The following MYO15B variants were observed in gnomAD, a reference collection of about 807,000 sequenced individuals.
The protein encoded by MYO15B is myosin XVB.
Under a neutral mutation model 119.3 loss-of-function variants are expected in MYO15B, and 207 were observed. The observed-to-expected ratio is 1.73, with a 90% CI of 1.55 to 1.95. The LOEUF (loss-of-function observed/expected upper bound fraction) is 1.95, where lower values mean the gene tolerates loss of function less well. Ranked by LOEUF, MYO15B falls within the 30% of genes most tolerant of loss-of-function variation. MYO15B has a pLI of 0.00. For synonymous variants in MYO15B, 966 were observed against 498.9 expected, an observed-to-expected ratio of 1.94 and a Z score of -12.48; for missense variants, 2,264 against 1,203.1, an observed-to-expected ratio of 1.88 and a Z score of -13.04.
At position 75,592,792 on chromosome 17, in the gene MYO15B, G is replaced by A. The variant is rs1393056440; in HGVS notation, c.2943G>A (p.Val981=). 1 of 702,730 alleles carries A rather than the reference G, an allele frequency of 1.4e-6. No homozygotes were observed. The highest frequency in any genetic ancestry group is 2.6e-6 in the Non-Finnish European group (1 of 384,890). The allele number at this position is 702,730 out of a possible 1,614,324, so 43.5% of individuals were successfully genotyped here. The change falls in exon 9 of 64, where the codon GTG becomes GTA. Residue 981 remains valine, a synonymous_variant. Coordinates refer to ENST00000645453, the Ensembl canonical transcript of MYO15B. ...AGGAGTTGAATGCCGTCTGGGCTGTGCTGGCCGCCATCCTGCAGCTGGGCA... is the reference window on the plus strand; with the variant it reads ...AGGAGTTGAATGCCGTCTGGGCTGTACTGGCCGCCATCCTGCAGCTGGGCA...
In MYO15B at chr17:75,610,157, G is replaced by A. The variant is rs910368866; in HGVS notation, c.4293-9G>A. 3.2e-5 allele frequency: 22 copies of A among 696,678 alleles called. No individual in the cohort carries two copies. The highest frequency in any genetic ancestry group is 5.3e-5 in the African/African-American group (3 of 56,820). The allele number at this position is 696,678 out of a possible 1,614,324, so 43.2% of individuals were successfully genotyped here. A position where few individuals can be genotyped will look rare whatever the true frequency, so the allele number is the denominator to read the frequency against. On this transcript the variant is annotated splice_polypyrimidine_tract_variant and intron_variant, in intron 21 of 63. Coordinates refer to ENST00000645453, the Ensembl canonical transcript of MYO15B. ...CTTCATTTCGCCCCCGCTCTTTCCC[G>A]GCCTCCAGGAAGCGGTACCTCCGGC... is the stretch of plus-strand genomic sequence containing the variant.
In MYO15B at chr17:75,610,244, G is replaced by A. The variant is rs1234965817; in HGVS notation, c.4371G>A (p.Arg1457=). Residue 1457 remains arginine, a synonymous_variant, in exon 22 of 64, where the codon AGG becomes AGA. Coordinates refer to ENST00000645453, the Ensembl canonical transcript of MYO15B. The stretch of plus-strand genomic sequence containing the variant: ...TGGTGGCCCAGCCCCTGCTCCAGAG[G>A]CGGCAGAGACTGCAGGTGCAGGGGC... The A allele has an allele frequency of 7.1e-6, 5 of 700,290 alleles. No homozygotes were observed. The East Asian group carries it at 1.3e-4, about 19-fold the overall frequency. The allele number at this position is 700,290 out of a possible 1,614,324, so 43.4% of individuals were successfully genotyped here. A position where few individuals can be genotyped will look rare whatever the true frequency, so the allele number is the denominator to read the frequency against.
exon 46 of MYO15B, chr17:75,619,778 T>C (rs892875002): frequency 8.5e-6 from 6 of 702,730 alleles, no homozygotes; most frequent in Non-Finnish European, 1.6e-5. Flanking sequence ...CCCGACCAGC[T>C]GAAGATTCTC....
chr17:75,607,042 G>A (rs961253332), intron 21 of MYO15B: 19 of 398,282 alleles, frequency 4.8e-5, no homozygotes, highest in Non-Finnish European at 8.0e-5. Flanking sequence ...GGCCTCCCAG[G>A]CTGGTTGGGA....
rs2056719561 is a variant in MYO15B at position 75,594,510 on chromosome 17, G to A, written c.3027G>A (p.Trp1009Ter). The stretch of plus-strand genomic sequence containing the variant: ...AGGAGGTGGCTGCTGTGTCTAGCTG[G>A]GCTGAGATCCACACAGCAGCCCGAC... Residue 1009 changes from tryptophan to a stop codon, truncating the protein, a stop_gained, in exon 10 of 64, where the codon TGG becomes TGA. Transcript: ENST00000645453. LOFTEE classifies it high-confidence loss of function. The A allele has an allele frequency of 1.6e-6, 1 of 614,742 alleles. No homozygotes were observed. The highest frequency in any genetic ancestry group is 2.9e-6 in the Non-Finnish European group (1 of 343,500). 38.1% of individuals were successfully genotyped at this position (614,742 alleles called of 1,614,324 possible).
At chr17:75,617,610 C>T (rs147498617) in intron 41 of MYO15B, 200 bp from the exon 42 acceptor site, 10 of 485,550 alleles carry the variant, frequency 2.1e-5, no homozygotes, top group Middle Eastern at 5.3e-4. Context: ...AGAAGACCCA[C>T]GAGCCTCACG....
chr17:75,619,044 C>T, intron 43 of MYO15B, 99 bp from the exon 44 acceptor site: 1 of 682,930 alleles, frequency 1.5e-6, no homozygotes, highest in Non-Finnish European at 2.7e-6. Flanking sequence ...GGGCGCCCTC[C>T]ATCGGCCTCC....
chr17:75,610,234 T>C (rs2057934709), exon 22 of MYO15B: 2 of 700,928 alleles, frequency 2.9e-6, no homozygotes, highest in Non-Finnish European at 5.2e-6. Context: ...GCCCAGCCCC[T>C]GCTCCAGAGG....
chr17:75,614,579 G>A lies in MYO15B; in HGVS notation c.5382-4G>A, dbSNP rs945901915. Reference sequence around the variant, plus strand: ...CCCCCTTAGCTGGATCCCGTTTCCTGCAGAGCCGAGGCCATTCCCCTTGCC... The same window carrying A: ...CCCCCTTAGCTGGATCCCGTTTCCTACAGAGCCGAGGCCATTCCCCTTGCC... On this transcript the variant is annotated splice_polypyrimidine_tract_variant and splice_region_variant and intron_variant, in intron 30 of 63. Transcript: ENST00000645453. 5.4e-5 allele frequency: 38 copies of A among 700,440 alleles called. No homozygotes were observed. Among genetic ancestry groups the A allele is most frequent in the Non-Finnish European group, 9.6e-5 (37 of 384,818 alleles). 43.4% of individuals were successfully genotyped at this position (700,440 alleles called of 1,614,324 possible).
intron 36 of MYO15B, 88 bp from the exon 37 acceptor site, chr17:75,615,981 G>A: frequency 1.7e-6 from 1 of 597,464 alleles, no homozygotes; most frequent in Non-Finnish European, 3.0e-6. Context: ...CAGGGAAGAG[G>A]CTGCTGGCCC....
intron 21 of MYO15B, among the ~76,000 whole-genome samples, chr17:75,607,849 T>C (rs1048205887): frequency 6.6e-6 from 1 of 152,186 alleles, no homozygotes; most frequent in Non-Finnish European, 1.5e-5. Flanking sequence ...ATGTTTAACT[T>C]TCTGAGGAGC....
At chr17:75,611,698 C>T (rs866167826) in intron 24 of MYO15B, 40 bp downstream of exon 24, 1 of 702,584 alleles carries the variant, frequency 1.4e-6, no homozygotes, top group Non-Finnish European at 2.6e-6. Context: ...ACTCCTTCTC[C>T]AGTCCCTTTA....
At chr17:75,588,423 C>A in exon 1 of MYO15B, 1 of 398,448 alleles carries the variant, frequency 2.5e-6, no homozygotes, top group Non-Finnish European at 4.4e-6. Context: ...AAGAGCTGGG[C>A]GGCCGCCGTA....
Position 75,592,238 on chromosome 17 carries a change from A to AT in MYO15B, c.2652_2653insT (p.Gly885TrpfsTer14). On this transcript the variant is annotated frameshift_variant and splice_region_variant, in exon 7 of 64. Coordinates refer to ENST00000645453, the Ensembl canonical transcript of MYO15B. LOFTEE classifies it high-confidence loss of function. ...TCACACCCATCTTCTGTGCCCACAG[A>AT]GGGGTCATCGTGGGAGCCTCTGTGT... The AT allele has an allele frequency of 1.4e-6, 1 of 702,766 alleles. No homozygotes were observed. The highest frequency in any genetic ancestry group is 2.6e-6 in the Non-Finnish European group (1 of 384,926). 43.5% of individuals were successfully genotyped at this position (702,766 alleles called of 1,614,324 possible).
At chr17:75,605,871 T>C (rs1339595893) in exon 21 of MYO15B, 1 of 694,882 alleles carries the variant, frequency 1.4e-6, no homozygotes, top group African/African-American at 1.8e-5. Context: ...CAGGTCCTGC[T>C]GCAGGAGCAG....
At chr17:75,619,616 C>G (rs2058582665) in intron 45 of MYO15B, 65 bp from the exon 46 acceptor site, 2 of 696,862 alleles carry the variant, frequency 2.9e-6, no homozygotes, top group African/African-American at 3.5e-5. Flanking sequence ...CCCTGGGCAG[C>G]TCCAGGGCAT....
Position 75,614,760 on chromosome 17 carries a change from C to A in MYO15B, c.5483-13C>A. On this transcript the variant is annotated splice_polypyrimidine_tract_variant and intron_variant, in intron 31 of 63. Coordinates refer to ENST00000645453, the Ensembl canonical transcript of MYO15B. ...CCCCGGGCCATGGCTCCAACCCTCTCCCTGCCCCACAGGGGAGGTCCAGAG... is the reference window on the plus strand; with the variant it reads ...CCCCGGGCCATGGCTCCAACCCTCTACCTGCCCCACAGGGGAGGTCCAGAG... The A allele has an allele frequency of 1.4e-6, 1 of 702,838 alleles. No individual in the cohort carries two copies. The highest frequency in any genetic ancestry group is 2.6e-6 in the Non-Finnish European group (1 of 385,008). The allele number at this position is 702,838 out of a possible 1,614,324, so 43.5% of individuals were successfully genotyped here.
At chr17:75,620,910 C>T in intron 49 of MYO15B, 121 bp from the exon 50 acceptor site, 1 of 702,258 alleles carries the variant, frequency 1.4e-6, no homozygotes, top group Admixed American at 2.0e-5. Context: ...AACAGCTCTT[C>T]ACTTTCCTGG....
exon 41 of MYO15B, chr17:75,617,278 C>T (rs554424802): frequency 1.5e-6 from 1 of 665,860 alleles, no homozygotes; most frequent in African/African-American, 1.8e-5. Context: ...CCCGAGGACC[C>T]AGGGACCCTT....
Sources: allele counts gnomAD v4.1 joint callset (sites outside exome capture counted in the v4.1 genomes callset), GRCh38; gene constraint gnomAD v4.1.1; transcripts MANE v1.5; gene names NCBI Gene and HGNC (gene_info 2026-07-23, HGNC 2026-07-21).